Variants in NBEA observed in about 807,000 individuals in gnomAD.
The protein encoded by NBEA is neurobeachin, also known as lysosomal-trafficking regulator 2.
NBEA carries 44 observed loss-of-function variants against 343.4 expected under a neutral mutation model. The ratio of observed to expected loss-of-function variants is 0.13; its 90% CI spans 0.10 to 0.16. The LOEUF (loss-of-function observed/expected upper bound fraction) is 0.16, where lower values mean the gene tolerates loss of function less well. NBEA is among the 10% of genes least tolerant of loss of function. The probability of loss-of-function intolerance (pLI) is 1.00; values close to 1 mark genes in which losing one functional copy is unlikely to be tolerated. For missense variants in NBEA, 2,555 were observed against 3,631.3 expected (o/e 0.70, Z 7.62); for synonymous variants, 1,175 against 1,238.7 (o/e 0.95, Z 1.08).
chr13:35,312,026 T>A (rs956663259), intron 36 of NBEA, among the ~76,000 whole-genome samples: 1 of 152,206 alleles, frequency 6.6e-6, no homozygotes, highest in African/African-American at 2.4e-5. Flanking sequence ...TAAGAACAAA[T>A]CATGTATGCA....
intron 41 of NBEA, among the ~76,000 whole-genome samples, chr13:35,496,080 G>A (rs2076664930): frequency 6.6e-6 from 1 of 151,964 alleles, no homozygotes; most frequent in African/African-American, 2.4e-5. Context: ...ATAATTGGGT[G>A]GAAGTTACAG....
intron 46 of NBEA, among the ~76,000 whole-genome samples, chr13:35,587,975 A>G (rs1321519681): frequency 1.3e-5 from 2 of 152,196 alleles, no homozygotes; most frequent in Non-Finnish European, 2.9e-5. Flanking sequence ...AACAGGTAAA[A>G]TTAATTTTAA....
intron 11 of NBEA, among the ~76,000 whole-genome samples, chr13:35,107,813 G>A (rs1304957639): frequency 3.3e-5 from 5 of 152,126 alleles, no homozygotes; most frequent in Admixed American, 2.6e-4. Context: ...GTTACAAACT[G>A]GGGGAGCAAC....
At chr13:34,963,868 G>A (rs150289966) in intron 1 of NBEA, among the ~76,000 whole-genome samples, 19 of 151,696 alleles carry the variant, frequency 1.3e-4, no homozygotes, top group African/African-American at 4.3e-4. Context: ...AGAAAATCTA[G>A]GTCTTACTTT....
chr13:35,087,155 A>T (rs532484769), intron 10 of NBEA, among the ~76,000 whole-genome samples: 33 of 151,726 alleles, frequency 2.2e-4, no homozygotes, highest in African/African-American at 7.5e-4. Context: ...TTAGTTTTAT[A>T]TAGTCTCATT....
chr13:34,962,084 T>A (rs186440365), intron 1 of NBEA, among the ~76,000 whole-genome samples: 13 of 152,224 alleles, frequency 8.5e-5, no homozygotes, highest in Non-Finnish European at 1.9e-4. Context: ...TTTCTTTTCA[T>A]GTGGCTAATA....
chr13:35,593,221 A>G (rs2081614872), intron 46 of NBEA, 107 bp from the exon 47 acceptor site: 3 of 1,293,508 alleles, frequency 2.3e-6, no homozygotes, highest in Non-Finnish European at 3.2e-6. Context: ...TAGGACCCTG[A>G]TCTGCCTCCA....
chr13:35,548,600 T>C (rs1348704114), intron 41 of NBEA, among the ~76,000 whole-genome samples: 1 of 152,158 alleles, frequency 6.6e-6, no homozygotes, highest in Non-Finnish European at 1.5e-5. Context: ...GGTTTTCAAA[T>C]GGCCATAGTA....
chr13:35,389,523 C>G (rs1399978278), intron 38 of NBEA, among the ~76,000 whole-genome samples: 1 of 151,926 alleles, frequency 6.6e-6, no homozygotes, highest in African/African-American at 2.4e-5. Flanking sequence ...TAAAATACCT[C>G]AATCCAAATG....
rs577942257 is a variant in NBEA, at chr13:35,476,272, C to T, written c.6585+3736C>T. 1.7e-5 allele frequency: 24 copies of T among 1,440,370 alleles called. No homozygotes were observed. In the African/African-American group the frequency reaches 3.1e-4, roughly 19 times the overall value. 89.2% of individuals were successfully genotyped at this position (1,440,370 alleles called of 1,614,324 possible). Reference sequence around the variant, plus strand: ...TCAGAAATGGATCAAAAATGCCTTTCGGAAGTGCTGCAGCGTTGGTTTCCC... The same window carrying T: ...TCAGAAATGGATCAAAAATGCCTTTTGGAAGTGCTGCAGCGTTGGTTTCCC... On this transcript the variant is annotated intron_variant, in intron 41 of 58. Transcript: ENST00000379939.
intron 6 of NBEA, among the ~76,000 whole-genome samples, chr13:35,052,361 C>A (rs1022827862): frequency 6.6e-6 from 1 of 151,904 alleles, no homozygotes; most frequent in African/African-American, 2.4e-5. Flanking sequence ...GGATATAAAC[C>A]ATTAGCATGT....
intron 38 of NBEA, among the ~76,000 whole-genome samples, chr13:35,389,909 C>A (rs1179437248): frequency 1.3e-5 from 2 of 148,806 alleles, no homozygotes; most frequent in Non-Finnish European, 3.0e-5. Context: ...GTTAAGATTA[C>A]AGTTTTTTTC....
intron 30 of NBEA, among the ~76,000 whole-genome samples, chr13:35,195,354 C>T (rs2072507347): frequency 6.6e-6 from 1 of 151,498 alleles, no homozygotes; most frequent in Non-Finnish European, 1.5e-5. Context: ...TATTTTGATG[C>T]TCCCTGAACA....
chr13:35,374,575 A>G (rs1376643786), intron 38 of NBEA, among the ~76,000 whole-genome samples: 1 of 152,184 alleles, frequency 6.6e-6, no homozygotes, highest in Non-Finnish European at 1.5e-5. Flanking sequence ...TGTACCTCAT[A>G]GGTTTGTGGA....
intron 10 of NBEA, among the ~76,000 whole-genome samples, chr13:35,091,116 T>C (rs1566271152): frequency 6.6e-6 from 1 of 151,992 alleles, no homozygotes; most frequent in Admixed American, 6.6e-5. Flanking sequence ...TGGAAGGCTA[T>C]AGAAGCCAAA....
At chr13:35,023,845 T>C (rs944563478) in intron 1 of NBEA, among the ~76,000 whole-genome samples, 1 of 152,096 alleles carries the variant, frequency 6.6e-6, no homozygotes. Flanking sequence ...TTATTTTAGG[T>C]TTGGGGGTGC....
chr13:35,593,893 G>A (rs73498990), intron 47 of NBEA, among the ~76,000 whole-genome samples: 13 of 152,092 alleles, frequency 8.5e-5, no homozygotes, highest in Non-Finnish European at 1.3e-4. Flanking sequence ...AGGCTTTTCC[G>A]TATAGCCTTA....
chr13:35,541,981 C>T (rs891993176), intron 41 of NBEA, among the ~76,000 whole-genome samples: 1 of 152,014 alleles, frequency 6.6e-6, no homozygotes, highest in Non-Finnish European at 1.5e-5. Context: ...AATCAATGAA[C>T]TTGCCTGAGG....
intron 17 of NBEA, among the ~76,000 whole-genome samples, chr13:35,127,268 G>A (rs1199793296): frequency 2.0e-5 from 3 of 152,150 alleles, no homozygotes; most frequent in East Asian, 3.9e-4. Context: ...TATCCTTTAA[G>A]TAAAAAGGAT....
Sources: gnomAD v4.1 joint callset for allele counts (sites outside exome capture counted in the v4.1 genomes callset) on GRCh38, gnomAD v4.1.1 for gene constraint, MANE v1.5 for transcripts, NCBI Gene and HGNC (gene_info 2026-07-23, HGNC 2026-07-21) for gene names.